KAT2B: variants seen among roughly 807,000 people sequenced by gnomAD.
KAT2B encodes lysine acetyltransferase 2B, also known as histone acetyltransferase KAT2B.
Under a neutral mutation model 105.9 loss-of-function variants are expected in KAT2B, and 36 were observed. That is an observed-to-expected ratio of 0.34 (90% CI 0.26 to 0.45). The LOEUF (loss-of-function observed/expected upper bound fraction) is 0.45. KAT2B is among the 20% of genes least tolerant of loss of function. KAT2B has a pLI of 1.00. For synonymous variants in KAT2B, 397 were observed against 377.9 expected (o/e 1.05, Z -0.59); for missense variants, 820 against 1,021.6 (o/e 0.80, Z 2.69).
intron 7 of KAT2B, among the ~76,000 whole-genome samples, chr3:20,118,746 AAGAGAG>A (rs1188214455): frequency 0.012 from 983 of 85,378 alleles, 12 homozygotes; most frequent in African/African-American, 0.033. Flanking sequence ...AAAAAAAAAA[AAGAGAG>A]AGAGCGAACT....
chr3:20,108,992 T>C (rs536390181), intron 5 of KAT2B, among the ~76,000 whole-genome samples: 15 of 152,250 alleles, frequency 9.9e-5, no homozygotes, highest in African/African-American at 3.6e-4. Flanking sequence ...GCCAAAAAAG[T>C]TGGGGACCTC....
At chr3:20,142,045 T>C (rs1034917787) in intron 13 of KAT2B, among the ~76,000 whole-genome samples, 3 of 152,166 alleles carry the variant, frequency 2.0e-5, no homozygotes, top group Admixed American at 6.5e-5. Context: ...TCAGCTGCTC[T>C]TTCCTCATTC....
chr3:20,148,703 T>C (rs546701638), intron 17 of KAT2B: 3 of 464,866 alleles, frequency 6.5e-6, no homozygotes, highest in Admixed American at 3.8e-5. Context: ...AGAGCCCACA[T>C]GAGCTTAACG....
chr3:20,072,542 C>A, intron 2 of KAT2B, 83 bp downstream of exon 2: 1 of 1,342,656 alleles, frequency 7.4e-7, no homozygotes, highest in Non-Finnish European at 1.1e-6. Flanking sequence ...GTGGGTTCAC[C>A]AAATTTGAAT....
At chr3:20,040,902 C>A (rs1697705253) in intron 1 of KAT2B, 122 bp downstream of exon 1, 14 of 1,211,882 alleles carry the variant, frequency 1.2e-5, no homozygotes, top group African/African-American at 4.8e-5. Context: ...CGCCTGGGGC[C>A]GCTGCACCGC....
At chr3:20,045,073 G>A (rs886886203) in intron 1 of KAT2B, among the ~76,000 whole-genome samples, 8 of 152,080 alleles carry the variant, frequency 5.3e-5, no homozygotes, top group African/African-American at 1.9e-4. Context: ...GGAGTACAGT[G>A]GCGTGATCTT....
rs146070285 is a variant in KAT2B at position 20,130,769 on chromosome 3, T to C, written c.1749+3220T>C. ...AGGAAGAACAAGAAAAGCAATCACTTCTTGTAAGTGACTTGAAACTGTAGT... is the reference window on the plus strand; with the variant it reads ...AGGAAGAACAAGAAAAGCAATCACTCCTTGTAAGTGACTTGAAACTGTAGT... On this transcript the variant is annotated intron_variant, in intron 11 of 17. Transcript: ENST00000263754. Among the ~76,000 whole-genome samples the C allele has an allele frequency of 2.5e-4, 38 of 152,228 alleles. No individual in the cohort carries two copies. In the East Asian group the frequency reaches 7.1e-3, roughly 29 times the overall value.
chr3:20,107,025 T>A (rs1264723567), intron 5 of KAT2B, among the ~76,000 whole-genome samples: 8 of 55,322 alleles, frequency 1.4e-4, no homozygotes, highest in Admixed American at 4.2e-4. Context: ...ATTTTTTTTT[T>A]TTTTTTTTTT....
At chr3:20,149,218 G>C (rs1699826514) in intron 17 of KAT2B, among the ~76,000 whole-genome samples, 1 of 152,040 alleles carries the variant, frequency 6.6e-6, no homozygotes, top group Non-Finnish European at 1.5e-5. Context: ...TCAGCTATGT[G>C]GCCATATTTT....
At chr3:20,115,481 A>C (rs759546287) in intron 7 of KAT2B, among the ~76,000 whole-genome samples, 85 of 152,204 alleles carry the variant, frequency 5.6e-4, no homozygotes, top group Admixed American at 5.2e-4. Flanking sequence ...ATATCTGGCC[A>C]TGGGGAAAGA....
intron 5 of KAT2B, among the ~76,000 whole-genome samples, chr3:20,103,260 C>T (rs998568422): frequency 6.6e-6 from 1 of 152,124 alleles, no homozygotes; most frequent in South Asian, 2.1e-4. Flanking sequence ...TTAATCCCGT[C>T]TGTGAACAAT....
chr3:20,078,858 T>C (rs2125185652), intron 2 of KAT2B, among the ~76,000 whole-genome samples: 1 of 150,680 alleles, frequency 6.6e-6, no homozygotes, highest in South Asian at 2.1e-4. Flanking sequence ...CCAGAATTGA[T>C]TCAAAGAGAC....
intron 2 of KAT2B, among the ~76,000 whole-genome samples, chr3:20,080,015 G>C (rs1226356480): frequency 6.6e-6 from 1 of 152,172 alleles, no homozygotes. Flanking sequence ...CCTGCCTCTA[G>C]CACTGGCTGA....
rs199548798 is a variant in KAT2B at position 20,153,937 on chromosome 3, A to C, written c.*1412A>C. 3 of 152,456 alleles carry C rather than the reference A, an allele frequency of 2.0e-5. No individual in the cohort carries two copies. Among genetic ancestry groups the C allele is most frequent in the East Asian group, 3.8e-4 (2 of 5,202 alleles). 9.4% of individuals were successfully genotyped at this position (152,456 alleles called of 1,614,324 possible). ...AAAAGAACCCTGCAAATGGCTATTG[A>C]GTTGGAAGTATTGTTTTTGATATGT... On this transcript the variant is annotated 3_prime_UTR_variant, in exon 18 of 18. Coordinates refer to ENST00000263754, the MANE Select transcript of KAT2B (RefSeq NM_003884.5).
intron 2 of KAT2B, among the ~76,000 whole-genome samples, chr3:20,076,612 C>G (rs950061687): frequency 1.3e-5 from 2 of 152,222 alleles, no homozygotes; most frequent in Non-Finnish European, 2.9e-5. Flanking sequence ...GCCTTGGACT[C>G]AGCACCCAGC....
At chr3:20,108,496 A>G (rs1204610813) in intron 5 of KAT2B, among the ~76,000 whole-genome samples, 1 of 152,252 alleles carries the variant, frequency 6.6e-6, no homozygotes, top group Non-Finnish European at 1.5e-5. Context: ...TGGACCACAT[A>G]TAATGACAGT....
At chr3:20,108,279 A>T (rs1017892183) in intron 5 of KAT2B, among the ~76,000 whole-genome samples, 1 of 151,632 alleles carries the variant, frequency 6.6e-6, no homozygotes, top group African/African-American at 2.4e-5. Flanking sequence ...TAAAAGTTAA[A>T]CTCAGTCATA....
At chr3:20,050,382 G>A (rs1416073241) in intron 1 of KAT2B, among the ~76,000 whole-genome samples, 1 of 151,948 alleles carries the variant, frequency 6.6e-6, no homozygotes, top group Non-Finnish European at 1.5e-5. Context: ...CTATGCAACT[G>A]CCACCTAGAT....
chr3:20,050,137 T>C (rs1397196675), intron 1 of KAT2B, among the ~76,000 whole-genome samples: 1 of 151,164 alleles, frequency 6.6e-6, no homozygotes, highest in Non-Finnish European at 1.5e-5. Context: ...GAGGCAGAGA[T>C]TGCAGTGAGC....
Sources: gnomAD v4.1 joint callset for allele counts (sites outside exome capture counted in the v4.1 genomes callset) on GRCh38, gnomAD v4.1.1 for gene constraint, MANE v1.5 for transcripts, NCBI Gene and HGNC (gene_info 2026-07-23, HGNC 2026-07-21) for gene names.